NBEA: variants seen among roughly 807,000 people sequenced by gnomAD.
The protein encoded by NBEA is lysosomal-trafficking regulator 2.
In NBEA, 44 loss-of-function variants were observed where a neutral mutation model predicts 343.4. The observed-to-expected ratio is 0.13, with a 90% CI of 0.10 to 0.16. The LOEUF (loss-of-function observed/expected upper bound fraction) is 0.16. Among genes scored for constraint, NBEA ranks in the 10% least tolerant of loss-of-function variants. NBEA has a pLI of 1.00. For synonymous variants in NBEA, 1,175 were observed against 1,238.7 expected (o/e 0.95, Z 1.08); for missense variants, 2,555 against 3,631.3 (o/e 0.70, Z 7.62).
chr13:35,445,239 G>A (rs7987228), intron 39 of NBEA, among the ~76,000 whole-genome samples: 2,630 of 151,896 alleles, frequency 0.017, 97 homozygotes, highest in African/African-American at 0.06. Flanking sequence ...ACTATTATAA[G>A]CAATAAAGCA....
intron 1 of NBEA, among the ~76,000 whole-genome samples, chr13:34,983,811 A>C (rs1174262373): frequency 6.6e-6 from 1 of 152,152 alleles, no homozygotes; most frequent in Non-Finnish European, 1.5e-5. Flanking sequence ...TTGGCTGCAT[A>C]AATGTCTTCT....
chr13:35,125,906 G>C (rs1263382084), intron 17 of NBEA, among the ~76,000 whole-genome samples: 1 of 152,136 alleles, frequency 6.6e-6, no homozygotes, highest in Non-Finnish European at 1.5e-5. Flanking sequence ...AAGTAATCCA[G>C]CTACTCCGGA....
chr13:35,536,177 A>T (rs2078530934), intron 41 of NBEA, among the ~76,000 whole-genome samples: 1 of 152,220 alleles, frequency 6.6e-6, no homozygotes, highest in African/African-American at 2.4e-5. Context: ...TCAGTTGCTA[A>T]TTGTCACTGA....
chr13:35,141,957 A>G (rs1266296479), intron 17 of NBEA, among the ~76,000 whole-genome samples: 1 of 152,218 alleles, frequency 6.6e-6, no homozygotes, highest in Non-Finnish European at 1.5e-5. Context: ...TTTTAACCCA[A>G]TAAAATAACT....
chr13:35,249,823 A>G (rs1472999778), intron 34 of NBEA, among the ~76,000 whole-genome samples: 1 of 152,214 alleles, frequency 6.6e-6, no homozygotes, highest in Non-Finnish European at 1.5e-5. Context: ...CGTGGAAGCA[A>G]CCCAAGTTTC....
chr13:35,011,729 G>A (rs1203609330), intron 1 of NBEA, among the ~76,000 whole-genome samples: 1 of 152,040 alleles, frequency 6.6e-6, no homozygotes, highest in Non-Finnish European at 1.5e-5. Flanking sequence ...ATTTATGGAA[G>A]CTAAGTTTAG....
chr13:35,156,236 T>C, intron 20 of NBEA, 30 bp downstream of exon 20: 1 of 1,505,430 alleles, frequency 6.6e-7, no homozygotes, highest in East Asian at 2.4e-5. Flanking sequence ...TAACAACACT[T>C]TATTCCATAA....
intron 48 of NBEA, among the ~76,000 whole-genome samples, chr13:35,616,653 A>T (rs1380962283): frequency 2.6e-5 from 4 of 152,260 alleles, no homozygotes; most frequent in Non-Finnish European, 5.9e-5. Flanking sequence ...ACTCTGAAGT[A>T]GGTTTTCCCT....
At chr13:35,047,073 C>A (rs995270043) in intron 4 of NBEA, among the ~76,000 whole-genome samples, 1 of 151,830 alleles carries the variant, frequency 6.6e-6, no homozygotes, top group African/African-American at 2.4e-5. Context: ...TTTAAAAAGT[C>A]AATAAAAGTT....
chr13:35,555,570 A>C (rs1594960438), intron 44 of NBEA, among the ~76,000 whole-genome samples: 1 of 152,128 alleles, frequency 6.6e-6, no homozygotes, highest in African/African-American at 2.4e-5. Flanking sequence ...TACATTTTCT[A>C]AATTATGAGT....
intron 41 of NBEA, among the ~76,000 whole-genome samples, chr13:35,523,592 A>G (rs567877746): frequency 3.9e-5 from 6 of 152,258 alleles, no homozygotes; most frequent in Admixed American, 1.3e-4. Flanking sequence ...AAGCTGCCCA[A>G]TGAGTTACTA....
chr13:35,343,293 A>G (rs2039688861), intron 36 of NBEA, among the ~76,000 whole-genome samples: 1 of 152,140 alleles, frequency 6.6e-6, no homozygotes, highest in East Asian at 1.9e-4. Context: ...CAAATCTGCC[A>G]TCTTTGTGGA....
chr13:35,554,840 A>G (rs1374270290), intron 43 of NBEA, 147 bp from the exon 44 acceptor site: 1 of 421,692 alleles, frequency 2.4e-6, no homozygotes, highest in East Asian at 3.5e-5. Context: ...AATTTCTACA[A>G]TTAAAATATA....
chr13:35,322,553 G>T (rs1423355381), intron 36 of NBEA, among the ~76,000 whole-genome samples: 2 of 152,170 alleles, frequency 1.3e-5, no homozygotes, highest in Non-Finnish European at 2.9e-5. Context: ...GCAGACTGGA[G>T]CTGTTCTTAT....
chr13:35,642,852 A>C (rs1362076789), intron 49 of NBEA, among the ~76,000 whole-genome samples: 1 of 151,836 alleles, frequency 6.6e-6, no homozygotes, highest in Admixed American at 6.6e-5. Context: ...GGCTGAATGT[A>C]AGCTCTTTGA....
chr13:35,213,597 A>C (rs569748317), intron 33 of NBEA, among the ~76,000 whole-genome samples: 1 of 151,054 alleles, frequency 6.6e-6, no homozygotes, highest in African/African-American at 2.4e-5. Flanking sequence ...TATTCCTACC[A>C]TTTCCTTAGG....
rs1183188808 is a variant in NBEA at position 35,210,533 on chromosome 13, T to C, written c.5522-520T>C. Among the ~76,000 whole-genome samples the C allele has an allele frequency of 2.0e-5, 3 of 152,140 alleles. No individual in the cohort carries two copies. In the South Asian group the frequency reaches 6.2e-4, roughly 32 times the overall value. On this transcript the variant is annotated intron_variant, in intron 32 of 58. Coordinates refer to ENST00000379939, the MANE Select transcript of NBEA (RefSeq NM_001385012.1). ...AAAATCTTTACTAAAATGGCATCTT[T>C]ATATCATTGAGGGAAGACTCATTAT...
chr13:35,224,052 G>A (rs927628606), intron 33 of NBEA, among the ~76,000 whole-genome samples: 1 of 151,952 alleles, frequency 6.6e-6, no homozygotes, highest in African/African-American at 2.4e-5. Context: ...TCCTACATTC[G>A]GCATTAGTAA....
intron 17 of NBEA, among the ~76,000 whole-genome samples, chr13:35,134,023 A>G (rs1000491000): frequency 3.3e-5 from 5 of 152,058 alleles, no homozygotes; most frequent in Non-Finnish European, 7.4e-5. Flanking sequence ...AAAGCCCAAA[A>G]CACAATGAGT....
Sources: allele counts gnomAD v4.1 joint callset (sites outside exome capture counted in the v4.1 genomes callset), GRCh38; gene constraint gnomAD v4.1.1; transcripts MANE v1.5; gene names NCBI Gene and HGNC (gene_info 2026-07-23, HGNC 2026-07-21).